Variants in ATRN observed in about 807,000 individuals in gnomAD.
The protein encoded by ATRN is attractin-2.
Under a neutral mutation model 178.7 loss-of-function variants are expected in ATRN, and 54 were observed. That is an observed-to-expected ratio of 0.30 (90% CI 0.24 to 0.38). ATRN has a LOEUF of 0.38. Among genes scored for constraint, ATRN ranks in the 10% least tolerant of loss-of-function variants. The pLI is 1.00. For synonymous variants in ATRN, 636 were observed against 663.0 expected (o/e 0.96, Z 0.63); for missense variants, 1,443 against 1,815.1 (o/e 0.79, Z 3.73).
chr20:3,559,440 A>G lies in ATRN; in HGVS notation c.1160A>G (p.Asn387Ser), dbSNP rs2085922300. 6.2e-7 allele frequency: 1 copy of G among 1,614,024 alleles called. No individual in the cohort carries two copies. Among genetic ancestry groups the G allele is most frequent in the East Asian group, 2.2e-5 (1 of 44,870 alleles). Reference protein sequence around the residue: ...REWLPLNRSVNNVVVRYGHSL... With the variant: ...REWLPLNRSVSNVVVRYGHSL... Reference sequence around the variant, plus strand: ...TGGCTTCCACTAAACCGTTCTGTGAACAATGTGGTTGTTAGATATGGTCAT... The same window carrying G: ...TGGCTTCCACTAAACCGTTCTGTGAGCAATGTGGTTGTTAGATATGGTCAT... Residue 387 changes from asparagine (N) to serine (S), a missense_variant, in exon 7 of 29, where the codon AAC (asparagine) becomes AGC (serine). By Grantham distance (46) the Asn-to-Ser change is conservative. Around this residue, in one of 4 missense-constraint regions of ATRN, gnomAD observed 862 missense variants for 972.1 expected, o/e 0.89. Coordinates refer to ENST00000262919, the MANE Select transcript of ATRN (RefSeq NM_139321.3).
At chr20:3,604,478 T>C (rs1024850788) in intron 24 of ATRN, among the ~76,000 whole-genome samples, 2 of 152,248 alleles carry the variant, frequency 1.3e-5, no homozygotes, top group Non-Finnish European at 2.9e-5. Context: ...GCAAAAGCAC[T>C]GTTGAAAGCA....
chr20:3,512,107 A>ATTTTTTTT (rs755934394), intron 1 of ATRN, among the ~76,000 whole-genome samples: 20 of 106,386 alleles, frequency 1.9e-4, no homozygotes, highest in African/African-American at 6.2e-4. Context: ...ATATATATAT[A>ATTTTTTTT]TTTTTTTTTT....
At chr20:3,597,785 C>T (rs1010952416) in intron 21 of ATRN, 121 bp from the exon 22 acceptor site, 36 of 598,852 alleles carry the variant, frequency 6.0e-5, no homozygotes, top group Non-Finnish European at 1.1e-4. Flanking sequence ...AACCTGGGTA[C>T]AGCTGAGTTA....
At chr20:3,625,023 G>GT (rs34723357) in intron 25 of ATRN, among the ~76,000 whole-genome samples, 1 of 152,018 alleles carries the variant, frequency 6.6e-6, no homozygotes, top group Non-Finnish European at 1.5e-5. Context: ...TATTTCCATA[G>GT]TTTTTTTCGT....
Position 3,638,966 on chromosome 20 carries a change from T to C in ATRN, c.4050+31T>C, listed in dbSNP as rs1383231388. 6.3e-7 allele frequency: 1 copy of C among 1,581,014 alleles called. No individual in the cohort carries two copies. Among genetic ancestry groups the C allele is most frequent in the South Asian group, 1.1e-5 (1 of 87,080 alleles). ...AATGTGACTCAGAAGTCCCTATAAC[T>C]TGACTTTTTAAAACTTAGGCTCCTA... On this transcript the variant is annotated intron_variant, in intron 27 of 28. Transcript: ENST00000262919. This position sits in a 1 kb window ranked among gnomAD's most constrained non-coding sequence, Gnocchi z 4.5.
At chr20:3,629,108 G>A (rs927179348) in intron 25 of ATRN, 19 of 985,042 alleles carry the variant, frequency 1.9e-5, no homozygotes, top group Non-Finnish European at 2.3e-5. Flanking sequence ...CCAGAGCTGT[G>A]GCCGTCAGTG....
At chr20:3,626,232 A>C (rs1221611759) in intron 25 of ATRN, among the ~76,000 whole-genome samples, 2 of 43,080 alleles carry the variant, frequency 4.6e-5, no homozygotes, top group Non-Finnish European at 8.4e-5. Context: ...ACCCTGTCTC[A>C]AAAAAAAAAA....
chr20:3,640,678 G>T (rs557281232), intron 27 of ATRN, among the ~76,000 whole-genome samples: 1 of 152,200 alleles, frequency 6.6e-6, no homozygotes, highest in Non-Finnish European at 1.5e-5. Context: ...GAAGTATAAA[G>T]TGATGGAGCC....
intron 1 of ATRN, among the ~76,000 whole-genome samples, chr20:3,502,248 AGACTC>A (rs1156262734): frequency 6.6e-6 from 1 of 152,234 alleles, no homozygotes; most frequent in Non-Finnish European, 1.5e-5. Context: ...TAATTGAAAC[AGACTC>A]ATAGGGAGGC....
At chr20:3,570,822 T>A (rs1479739576) in intron 11 of ATRN, among the ~76,000 whole-genome samples, 1 of 152,254 alleles carries the variant, frequency 6.6e-6, no homozygotes, top group East Asian at 1.9e-4. Context: ...AGAATGGTTT[T>A]TAAATACGCA....
intron 1 of ATRN, among the ~76,000 whole-genome samples, chr20:3,516,187 G>A (rs2085203905): frequency 6.6e-6 from 1 of 152,222 alleles, no homozygotes; most frequent in African/African-American, 2.4e-5. Flanking sequence ...GGTGTAAAAA[G>A]TGAATTGACC....
intron 23 of ATRN, among the ~76,000 whole-genome samples, chr20:3,601,332 C>G (rs2086604888): frequency 6.6e-6 from 1 of 152,162 alleles, no homozygotes; most frequent in Admixed American, 6.5e-5. Flanking sequence ...AGCCCACCAC[C>G]ACCATTTCTG....
chr20:3,586,726 C>T (rs544530026), intron 18 of ATRN, among the ~76,000 whole-genome samples: 5 of 151,874 alleles, frequency 3.3e-5, no homozygotes, highest in Admixed American at 3.3e-4. Flanking sequence ...TTATGCATTG[C>T]ATGATGCCAT....
chr20:3,543,674 G>A (rs968271997), intron 3 of ATRN, among the ~76,000 whole-genome samples: 7 of 151,488 alleles, frequency 4.6e-5, no homozygotes, highest in Admixed American at 3.9e-4. Context: ...GCGGTGAGCC[G>A]AGATTGTGCC....
At chr20:3,490,191 G>A (rs2084767402) in intron 1 of ATRN, 1 of 1,517,964 alleles carries the variant, frequency 6.6e-7, no homozygotes, top group Admixed American at 1.7e-5. Context: ...CTCTTCTACG[G>A]TCCGCCACAT....
intron 2 of ATRN, among the ~76,000 whole-genome samples, chr20:3,535,677 G>A (rs1274947119): frequency 6.6e-6 from 1 of 151,356 alleles, no homozygotes; most frequent in Admixed American, 6.6e-5. Context: ...TGTCACCCAG[G>A]CTGGAGTGCA....
Position 3,489,495 on chromosome 20 carries a change from G to C in ATRN, c.410+17978G>C, listed in dbSNP as rs1224838203. On this transcript the variant is annotated intron_variant, in intron 1 of 28. Coordinates refer to ENST00000262919, the MANE Select transcript of ATRN (RefSeq NM_139321.3). Reference sequence around the variant, plus strand: ...AAAAAACAGATCTCAGGGAAGCCTGGGCTAGCCCAAAAGCTGAGCTACATC... The same window carrying C: ...AAAAAACAGATCTCAGGGAAGCCTGCGCTAGCCCAAAAGCTGAGCTACATC... 3.4e-6 allele frequency: 4 copies of C among 1,185,998 alleles called. No individual in the cohort carries two copies. The Admixed American group carries it at 6.8e-5, about 20-fold the overall frequency. The allele number at this position is 1,185,998 out of a possible 1,614,324, so 73.5% of individuals were successfully genotyped here.
rs1373387345 is a variant in ATRN, at chr20:3,646,935, G to C, written c.*88G>C. 2 of 1,531,264 alleles carry C rather than the reference G, an allele frequency of 1.3e-6. No homozygotes were observed. The highest frequency in any genetic ancestry group is 2.3e-5 in the East Asian group (1 of 42,714). 94.9% of individuals were successfully genotyped at this position (1,531,264 alleles called of 1,614,324 possible). A position where few individuals can be genotyped will look rare whatever the true frequency, so the allele number is the denominator to read the frequency against. The stretch of plus-strand genomic sequence containing the variant: ...GGAAGGGCGTGGCGGGGAAATGGCT[G>C]TGCGGTGCGGGACGGAAGACTGGAA... On this transcript the variant is annotated 3_prime_UTR_variant, in exon 29 of 29. Transcript: ENST00000262919.
intron 1 of ATRN, among the ~76,000 whole-genome samples, chr20:3,529,997 A>T (rs1290016296): frequency 6.6e-6 from 1 of 151,918 alleles, no homozygotes; most frequent in Admixed American, 6.6e-5. Context: ...AAAAGAGTTG[A>T]ATAAAGATGT....
Sources: gnomAD v4.1 joint callset for allele counts (sites outside exome capture counted in the v4.1 genomes callset) on GRCh38, gnomAD v4.1.1 for gene constraint, gnomAD v4.1.1 regional missense constraint, Gnocchi (gnomAD v3.1) non-coding constraint, MANE v1.5 for transcripts, NCBI Gene and HGNC (gene_info 2026-07-23, HGNC 2026-07-21) for gene names.